Variants in CTTNBP2 observed in about 807,000 individuals in gnomAD.
CTTNBP2 encodes cortactin-binding protein 2.
Under a neutral mutation model 156.9 loss-of-function variants are expected in CTTNBP2, and 108 were observed. The observed-to-expected ratio is 0.69, with a 90% confidence interval of 0.59 to 0.81. The LOEUF is 0.81. CTTNBP2 is among the 30% of genes least tolerant of loss of function. CTTNBP2 has a pLI of 0.00. For synonymous variants in CTTNBP2, 767 were observed against 751.8 expected, an observed-to-expected ratio of 1.02 and a Z score of -0.33; for missense variants, 1,924 against 2,035.4, an observed-to-expected ratio of 0.95 and a Z score of 1.05.
chr7:117,824,480 C>CA (rs1318937891), intron 2 of CTTNBP2, among the ~76,000 whole-genome samples: 4 of 152,108 alleles, frequency 2.6e-5, no homozygotes, highest in African/African-American at 9.7e-5. Context: ...GTTACTGATT[C>CA]AATTTTTTAA....
Position 117,735,031 on chromosome 7 carries a change from C to A in CTTNBP2, c.3758G>T (p.Cys1253Phe). Reference protein sequence around the residue: ...CFLMGTIAKACLQGSDLLVQQ... With the variant: ...CFLMGTIAKAFLQGSDLLVQQ... Reference sequence around the variant, plus strand: ...CACCAGCAAGTCGGAGCCCTGGAGACAGGCCTTGGCGATGGTTCCCATCAG... The same window carrying A: ...CACCAGCAAGTCGGAGCCCTGGAGAAAGGCCTTGGCGATGGTTCCCATCAG... Residue 1253 changes from cysteine to phenylalanine, a missense_variant, in exon 16 of 23, where the codon TGT (cysteine) becomes TTT (phenylalanine). Transcript: ENST00000160373. 6.2e-7 allele frequency: 1 copy of A among 1,614,228 alleles called. No individual in the cohort carries two copies. The highest frequency in any genetic ancestry group is 8.5e-7 in the Non-Finnish European group (1 of 1,180,030).
At chr7:117,870,194 T>G (rs906625095) in intron 1 of CTTNBP2, among the ~76,000 whole-genome samples, 3 of 152,240 alleles carry the variant, frequency 2.0e-5, no homozygotes, top group Admixed American at 2.0e-4. Context: ...TTTCTATCAC[T>G]GGAATGTATT....
At chr7:117,775,665 C>A (rs1798056375) in intron 8 of CTTNBP2, among the ~76,000 whole-genome samples, 1 of 150,704 alleles carries the variant, frequency 6.6e-6, no homozygotes, top group African/African-American at 2.4e-5. Context: ...CAGAGTTTTT[C>A]TTTTAAAGGA....
chr7:117,740,912 T>C (rs546692443), intron 14 of CTTNBP2, among the ~76,000 whole-genome samples: 1 of 152,302 alleles, frequency 6.6e-6, no homozygotes, highest in Admixed American at 6.5e-5. Context: ...GCATGGGTCC[T>C]ACTGAGAAGA....
chr7:117,863,483 G>A (rs1005607050), intron 1 of CTTNBP2, among the ~76,000 whole-genome samples: 1 of 152,178 alleles, frequency 6.6e-6, no homozygotes, highest in Non-Finnish European at 1.5e-5. Context: ...AGAATCACCT[G>A]AAGACCTTGT....
chr7:117,749,704 T>C (rs1359679116), intron 12 of CTTNBP2, among the ~76,000 whole-genome samples: 1 of 147,244 alleles, frequency 6.8e-6, no homozygotes, highest in Non-Finnish European at 1.5e-5. Flanking sequence ...TATAAATCTT[T>C]TTTTATTTTT....
intron 8 of CTTNBP2, among the ~76,000 whole-genome samples, chr7:117,772,092 C>T (rs554999182): frequency 6.6e-6 from 1 of 152,146 alleles, no homozygotes; most frequent in Non-Finnish European, 1.5e-5. Flanking sequence ...GATAGGCATC[C>T]CTGCCCTGGC....
At chr7:117,864,244 G>C (rs1175073422) in intron 1 of CTTNBP2, among the ~76,000 whole-genome samples, 2 of 152,024 alleles carry the variant, frequency 1.3e-5, no homozygotes, top group African/African-American at 2.4e-5. Flanking sequence ...CTAAACCATA[G>C]ATTATGTCAC....
At chr7:117,815,253 T>C (rs1407876704) in intron 2 of CTTNBP2, among the ~76,000 whole-genome samples, 1 of 152,196 alleles carries the variant, frequency 6.6e-6, no homozygotes, top group Non-Finnish European at 1.5e-5. Context: ...CAGTTGCCCA[T>C]TTTGATTCCA....
intron 3 of CTTNBP2, among the ~76,000 whole-genome samples, chr7:117,804,101 TACAGGTATGCGAGA>T (rs1799785971): frequency 6.6e-6 from 1 of 152,130 alleles, no homozygotes. Context: ...TAGCTAGGAC[TACAGGTATGCGAGA>T]ACATACCTGG....
Position 117,791,239 on chromosome 7 carries a change from C to T in CTTNBP2, c.1957G>A (p.Asp653Asn). 1 of 1,614,166 alleles carries T rather than the reference C, an allele frequency of 6.2e-7. No individual in the cohort carries two copies. The highest frequency in any genetic ancestry group is 8.5e-7 in the Non-Finnish European group (1 of 1,180,030). The change falls in exon 4 of 23, where the codon GAC becomes AAC. Residue 653 changes from aspartate (D) to asparagine (N), a missense_variant. Coordinates refer to ENST00000160373, the MANE Select transcript of CTTNBP2 (RefSeq NM_033427.3). ...TPGLNQPACS[D>N]SSLVIPTTIA... is the part of the protein sequence containing the mutation. ...GTGGTAGGAATGACAAGGGAACTGT[C>T]TGAACATGCAGGTTGGTTCAGTCCG...
intron 2 of CTTNBP2, among the ~76,000 whole-genome samples, chr7:117,833,002 AC>A (rs1422142232): frequency 6.6e-6 from 1 of 151,478 alleles, no homozygotes; most frequent in East Asian, 1.9e-4. Context: ...TGATCCACCC[AC>A]CTCGGCCTCC....
intron 3 of CTTNBP2, among the ~76,000 whole-genome samples, chr7:117,794,270 G>C (rs565007658): frequency 2.0e-5 from 3 of 152,120 alleles, no homozygotes; most frequent in South Asian, 2.1e-4. Flanking sequence ...GCTCATGAAG[G>C]ACAAAGGACT....
At chr7:117,796,372 G>A (rs2116889240) in intron 3 of CTTNBP2, among the ~76,000 whole-genome samples, 1 of 152,058 alleles carries the variant, frequency 6.6e-6, no homozygotes, top group South Asian at 2.1e-4. Context: ...GACAAACTAT[G>A]TGTACTTAAG....
intron 4 of CTTNBP2, among the ~76,000 whole-genome samples, chr7:117,788,965 G>A (rs893800522): frequency 1.3e-5 from 2 of 149,286 alleles, no homozygotes; most frequent in African/African-American, 2.6e-5. Flanking sequence ...TCCGATTTCC[G>A]TATCTTCAGT....
intron 1 of CTTNBP2, 23 bp from the exon 2 acceptor site, chr7:117,861,339 G>C (rs750141126): frequency 6.5e-7 from 1 of 1,536,746 alleles, no homozygotes; most frequent in Non-Finnish European, 8.9e-7. Context: ...AAAAAATAAG[G>C]CCATGAAAAA....
intron 2 of CTTNBP2, among the ~76,000 whole-genome samples, chr7:117,821,327 GGTTTTTTTTTTGTTGTTGTTTTTCA>G (rs924416336): frequency 2.7e-5 from 4 of 145,812 alleles, no homozygotes; most frequent in African/African-American, 1.1e-4. Flanking sequence ...TTGGCTGTGT[GGTTTTTTTTTTGTTGTTGTTTTTCA>G]GTTTTCTTTT....
chr7:117,730,721 C>A (rs1005685558), intron 16 of CTTNBP2, among the ~76,000 whole-genome samples: 4 of 151,872 alleles, frequency 2.6e-5, no homozygotes, highest in Non-Finnish European at 5.9e-5. Flanking sequence ...CACAAGTCCT[C>A]AACAAGCCTG....
intron 2 of CTTNBP2, among the ~76,000 whole-genome samples, chr7:117,838,435 T>C (rs895424489): frequency 2.6e-5 from 4 of 152,190 alleles, no homozygotes; most frequent in African/African-American, 7.2e-5. Context: ...GACACCTTGT[T>C]TGGGGGGATA....
Sources: gnomAD v4.1 joint callset for allele counts (sites outside exome capture counted in the v4.1 genomes callset) on GRCh38, gnomAD v4.1.1 for gene constraint, MANE v1.5 for transcripts, NCBI Gene and HGNC (gene_info 2026-07-23, HGNC 2026-07-21) for gene names.